Variants in SNTG1 observed in about 807,000 individuals in gnomAD.
The protein encoded by SNTG1 is gamma-1-syntrophin.
SNTG1 carries 39 observed loss-of-function variants against 74.7 expected under a neutral mutation model. That is an observed-to-expected ratio of 0.52 (90% confidence interval 0.40 to 0.68). SNTG1 has a LOEUF of 0.68. Among genes scored for constraint, SNTG1 ranks in the 30% least tolerant of loss-of-function variants. The probability of loss-of-function intolerance (pLI) is 0.00; values close to 1 mark genes in which losing one functional copy is unlikely to be tolerated. For missense variants in SNTG1, 685 were observed against 609.5 expected (o/e 1.12, Z -1.30); for synonymous variants, 254 against 217.1 (o/e 1.17, Z -1.49).
intron 1 of SNTG1, among the ~76,000 whole-genome samples, chr8:50,002,365 C>A (rs917310972): frequency 1.3e-5 from 2 of 151,938 alleles, no homozygotes; most frequent in African/African-American, 4.8e-5. Flanking sequence ...AGAGTGGTAT[C>A]TCTTATTCAT....
chr8:50,351,951 G>A (rs906079768), intron 2 of SNTG1, among the ~76,000 whole-genome samples: 1 of 152,186 alleles, frequency 6.6e-6, no homozygotes, highest in African/African-American at 2.4e-5. Context: ...TAAAAGTACT[G>A]TGGTCCTTGA....
chr8:50,192,115 A>C (rs770672507), intron 2 of SNTG1, among the ~76,000 whole-genome samples: 11 of 152,156 alleles, frequency 7.2e-5, no homozygotes, highest in Non-Finnish European at 1.3e-4. Context: ...CCCAGTGGGC[A>C]TCCCACCCTG....
At chr8:50,511,395 G>GA (rs1221971489) in intron 9 of SNTG1, among the ~76,000 whole-genome samples, 5 of 152,088 alleles carry the variant, frequency 3.3e-5, no homozygotes, top group African/African-American at 1.2e-4. Context: ...ATATTCTGTT[G>GA]TTTGGGGTGG....
intron 8 of SNTG1, among the ~76,000 whole-genome samples, chr8:50,463,840 C>T (rs1196850390): frequency 6.6e-6 from 1 of 152,186 alleles, no homozygotes; most frequent in Non-Finnish European, 1.5e-5. Flanking sequence ...TATGAAAGTC[C>T]TAGAAGGCAT....
rs116992082 is a variant in SNTG1, at chr8:50,213,418, G to A, written c.-28+40783G>A. ...TATGTCATACCACATACCAATTGCT[G>A]TGAGGGGGATGTTTTCTGGCATATG... is the stretch of plus-strand genomic sequence containing the variant. On this transcript the variant is annotated intron_variant, in intron 2 of 18. Coordinates refer to ENST00000642720, the MANE Select transcript of SNTG1 (RefSeq NM_018967.5). 5.3e-4 allele frequency among the ~76,000 whole-genome samples: 81 copies of A among 152,252 alleles called. No homozygotes were observed. The East Asian group carries it at 0.013, about 25-fold the overall frequency.
chr8:50,789,512 T>G (rs2095685334), intron 18 of SNTG1, among the ~76,000 whole-genome samples: 2 of 151,982 alleles, frequency 1.3e-5, no homozygotes, highest in South Asian at 4.1e-4. Context: ...AAATCCACAC[T>G]AATATATGCA....
At chr8:50,317,117 T>C (rs1007291609) in intron 2 of SNTG1, among the ~76,000 whole-genome samples, 1 of 152,134 alleles carries the variant, frequency 6.6e-6, no homozygotes, top group Non-Finnish European at 1.5e-5. Context: ...GGTAGATTCC[T>C]TAGGGGGATT....
Position 50,024,373 on chromosome 8 carries a change from G to A in SNTG1, c.-103+112142G>A, listed in dbSNP as rs1032026958. 2.0e-5 allele frequency among the ~76,000 whole-genome samples: 3 copies of A among 152,120 alleles called. No individual in the cohort carries two copies. The South Asian group carries it at 6.2e-4, about 31-fold the overall frequency. The stretch of plus-strand genomic sequence containing the variant: ...AATTATATAACTTCAGAGCAAGACG[G>A]CATTAGTCACTTACTAAAGGAAACC... On this transcript the variant is annotated intron_variant, in intron 1 of 18. Transcript: ENST00000642720.
intron 2 of SNTG1, among the ~76,000 whole-genome samples, chr8:50,305,101 A>T (rs144609328): frequency 0.01 from 1,536 of 151,870 alleles, 38 homozygotes; most frequent in African/African-American, 0.036. Context: ...GGGTTTCACC[A>T]TGTTGGCCAG....
At chr8:50,303,761 T>C (rs1008348868) in intron 2 of SNTG1, among the ~76,000 whole-genome samples, 4 of 152,186 alleles carry the variant, frequency 2.6e-5, no homozygotes, top group Admixed American at 2.6e-4. Flanking sequence ...TGCCTGATTG[T>C]AGACCCTAGA....
At chr8:50,764,348 G>A (rs1454686016) in intron 18 of SNTG1, among the ~76,000 whole-genome samples, 3 of 151,884 alleles carry the variant, frequency 2.0e-5, no homozygotes, top group African/African-American at 7.2e-5. Context: ...TATCATGGGA[G>A]AAATATTTAT....
At position 50,460,565 on chromosome 8, in the gene SNTG1, G is replaced by A. The variant is rs141628123; in HGVS notation, c.363+9836G>A. ...TAGTTATAAATTCTTTCCCAAAGCC[G>A]ATGTCCAAAATGGTATTTTCTAGGT... On this transcript the variant is annotated intron_variant, in intron 8 of 18. Coordinates refer to ENST00000642720, the MANE Select transcript of SNTG1 (RefSeq NM_018967.5). Among the ~76,000 whole-genome samples the A allele has an allele frequency of 3.7e-4, 57 of 152,164 alleles. 1 individual carries two copies. The East Asian group carries it at 9.5e-3, about 25-fold the overall frequency.
At chr8:50,447,813 C>T (rs1411622185) in intron 5 of SNTG1, among the ~76,000 whole-genome samples, 2 of 152,090 alleles carry the variant, frequency 1.3e-5, no homozygotes, top group African/African-American at 4.8e-5. Flanking sequence ...CAAAATAGAA[C>T]AGATAAAAGG....
intron 1 of SNTG1, among the ~76,000 whole-genome samples, chr8:50,025,275 TATA>T (rs1224456885): frequency 6.6e-6 from 1 of 152,166 alleles, no homozygotes; most frequent in Non-Finnish European, 1.5e-5. Context: ...TTTAGATATC[TATA>T]ATAACCCACT....
chr8:50,649,575 T>G (rs919361221), intron 13 of SNTG1, among the ~76,000 whole-genome samples: 1 of 152,276 alleles, frequency 6.6e-6, no homozygotes, highest in East Asian at 1.9e-4. Flanking sequence ...CCAAAATTTA[T>G]CTCTTTCTGT....
intron 11 of SNTG1, among the ~76,000 whole-genome samples, chr8:50,539,311 T>G (rs1397822734): frequency 6.6e-6 from 1 of 152,186 alleles, no homozygotes; most frequent in East Asian, 1.9e-4. Flanking sequence ...TTGTTGTTGT[T>G]GTTCTTGTTC....
At chr8:49,910,762 C>T (rs1563335988), upstream of SNTG1, 3 of 151,858 alleles carry the variant, frequency 2.0e-5, no homozygotes, top group African/African-American at 7.3e-5. Flanking sequence ...GAAAAGCCAA[C>T]AAAAAAAACA....
At chr8:50,116,559 C>A (rs1007290632) in intron 1 of SNTG1, among the ~76,000 whole-genome samples, 1 of 152,156 alleles carries the variant, frequency 6.6e-6, no homozygotes, top group South Asian at 2.1e-4. Context: ...GTACCTAATT[C>A]GTATTCGTTC....
intron 15 of SNTG1, among the ~76,000 whole-genome samples, chr8:50,683,662 T>G (rs1039314107): frequency 3.9e-5 from 6 of 152,170 alleles, no homozygotes; most frequent in African/African-American, 1.4e-4. Flanking sequence ...AGTATTCCCT[T>G]TATATCCCAT....
Sources: allele counts gnomAD v4.1 joint callset (sites outside exome capture counted in the v4.1 genomes callset), GRCh38; gene constraint gnomAD v4.1.1; transcripts MANE v1.5; gene names NCBI Gene and HGNC (gene_info 2026-07-23, HGNC 2026-07-21).